SPIRE1: variants seen among roughly 807,000 people sequenced by gnomAD.
The protein encoded by SPIRE1 is protein spire homolog 1.
A neutral mutation model predicts 94.1 loss-of-function variants in SPIRE1; 40 were observed. The ratio of observed to expected loss-of-function variants is 0.43; its 90% CI spans 0.33 to 0.55. The LOEUF is 0.55. Ranked by LOEUF, SPIRE1 falls within the 20% of genes least tolerant of loss-of-function variation. The probability of loss-of-function intolerance (pLI) is 0.06; values close to 1 mark genes in which losing one functional copy is unlikely to be tolerated. For missense variants in SPIRE1, 838 were observed against 975.2 expected, an observed-to-expected ratio of 0.86 and a Z score of 1.87; for synonymous variants, 376 against 371.7, an observed-to-expected ratio of 1.01 and a Z score of -0.13.
At chr18:12,508,675 G>GTTT (rs1214659836) in intron 5 of SPIRE1, among the ~76,000 whole-genome samples, 1 of 139,780 alleles carries the variant, frequency 7.2e-6, no homozygotes, top group Non-Finnish European at 1.6e-5. Flanking sequence ...AACACACTTG[G>GTTT]TTTTTTTTTT....
intron 10 of SPIRE1, among the ~76,000 whole-genome samples, chr18:12,475,210 C>A (rs537040990): frequency 6.6e-6 from 1 of 152,174 alleles, no homozygotes; most frequent in Non-Finnish European, 1.5e-5. Flanking sequence ...TATACTCATT[C>A]TAAAACCTAA....
Position 12,459,910 on chromosome 18 carries a change from C to T in SPIRE1, c.1638+3441G>A, listed in dbSNP as rs528825609. 993 of 985,802 alleles carry T rather than the reference C, an allele frequency of 1.0e-3. 2 individuals are homozygous for T. The highest frequency in any genetic ancestry group is 1.2e-3 in the Non-Finnish European group (957 of 829,908). The allele number at this position is 985,802 out of a possible 1,614,324, so 61.1% of individuals were successfully genotyped here. A position where few individuals can be genotyped will look rare whatever the true frequency, so the allele number is the denominator to read the frequency against. On this transcript the variant is annotated intron_variant, in intron 12 of 16. Transcript: ENST00000409402. The stretch of plus-strand genomic sequence containing the variant: ...GGTCGAAAAGGCGTCCTTGGCCATA[C>T]ACTGGTTATCCTAGGAACCTGAACA...
chr18:12,625,618 A>G (rs1003224050), intron 2 of SPIRE1, among the ~76,000 whole-genome samples: 21 of 152,374 alleles, frequency 1.4e-4, no homozygotes, highest in African/African-American at 5.0e-4. Context: ...CACATAAAAC[A>G]GCCTCATTTA....
chr18:12,639,940 A>G (rs2038039418), intron 1 of SPIRE1, among the ~76,000 whole-genome samples: 1 of 152,052 alleles, frequency 6.6e-6, no homozygotes, highest in Non-Finnish European at 1.5e-5. Context: ...ATGCCTTCCT[A>G]TAAACTGACA....
At chr18:12,508,660 A>T (rs1483104592) in intron 5 of SPIRE1, among the ~76,000 whole-genome samples, 1 of 151,630 alleles carries the variant, frequency 6.6e-6, no homozygotes, top group African/African-American at 2.4e-5. Context: ...TTATAAAAGG[A>T]TTCAAACACA....
intron 2 of SPIRE1, among the ~76,000 whole-genome samples, chr18:12,560,010 T>C (rs1025605009): frequency 6.6e-6 from 1 of 152,234 alleles, no homozygotes; most frequent in African/African-American, 2.4e-5. Flanking sequence ...ACATCATTGA[T>C]TGTCAGAGTA....
At chr18:12,500,656 G>A (rs577380368) in intron 6 of SPIRE1, among the ~76,000 whole-genome samples, 3 of 152,066 alleles carry the variant, frequency 2.0e-5, no homozygotes, top group South Asian at 2.1e-4. Flanking sequence ...ACAAAAATGC[G>A]TACACTACTA....
chr18:12,561,394 C>T (rs772778149), intron 2 of SPIRE1, among the ~76,000 whole-genome samples: 6 of 151,988 alleles, frequency 3.9e-5, no homozygotes, highest in South Asian at 4.2e-4. Context: ...CTCAGCCTCC[C>T]GAGTAGCTGG....
At chr18:12,605,913 C>G (rs1336676378) in intron 2 of SPIRE1, among the ~76,000 whole-genome samples, 2 of 152,148 alleles carry the variant, frequency 1.3e-5, no homozygotes, top group Non-Finnish European at 2.9e-5. Context: ...ACCGCCACCT[C>G]CCCTAGCCAC....
In SPIRE1 at chr18:12,601,159, G is replaced by A. The variant is rs186855454; in HGVS notation, c.372+33903C>T. On this transcript the variant is annotated intron_variant, in intron 2 of 16. Coordinates refer to ENST00000409402, the MANE Select transcript of SPIRE1 (RefSeq NM_001128626.2). ...TTATTGGCTGGGTGCGGTGGCTCAC[G>A]CCTGTAATCCCAGCACTCTGGGAGG... Among the ~76,000 whole-genome samples the A allele has an allele frequency of 7.8e-3, 1,185 of 151,848 alleles. 21 individuals are homozygous for A. Among genetic ancestry groups the A allele is most frequent in the African/African-American group, 0.028 (1,152 of 41,368 alleles).
At chr18:12,504,305 G>A (rs1249643518) in intron 6 of SPIRE1, among the ~76,000 whole-genome samples, 2 of 146,274 alleles carry the variant, frequency 1.4e-5, no homozygotes, top group Admixed American at 6.7e-5. Context: ...TCAGGAGTTC[G>A]AGACCAGCCT....
rs116069514 is a variant in SPIRE1 at position 12,498,055 on chromosome 18, A to C, written c.973-1953T>G. On this transcript the variant is annotated intron_variant, in intron 6 of 16. Transcript: ENST00000409402. ...GGGTGGAGGAAGCTCCCTTATCCAA[A>C]TGCTTGGGACTAGAGTGTTTCAGAT... 2.0e-3 allele frequency among the ~76,000 whole-genome samples: 303 copies of C among 152,304 alleles called. 2 individuals are homozygous for C. Among genetic ancestry groups the C allele is most frequent in the Middle Eastern group, 6.8e-3 (2 of 294 alleles).
At chr18:12,588,729 G>A (rs2036453365) in intron 2 of SPIRE1, among the ~76,000 whole-genome samples, 1 of 151,226 alleles carries the variant, frequency 6.6e-6, no homozygotes, top group Non-Finnish European at 1.5e-5. Context: ...GGGCAAATAT[G>A]TCAGCTGCTA....
At chr18:12,554,918 C>T (rs1027266164) in intron 2 of SPIRE1, among the ~76,000 whole-genome samples, 19 of 152,132 alleles carry the variant, frequency 1.2e-4, no homozygotes, top group African/African-American at 4.6e-4. Context: ...CAGGAAACCA[C>T]CCATCAGGCC....
intron 8 of SPIRE1, among the ~76,000 whole-genome samples, chr18:12,488,402 G>A (rs190552968): frequency 1.3e-5 from 2 of 152,218 alleles, no homozygotes; most frequent in East Asian, 3.9e-4. Context: ...GGTTGGAGAC[G>A]GACACACTGC....
At chr18:12,497,374 T>C (rs979677795) in intron 6 of SPIRE1, among the ~76,000 whole-genome samples, 2 of 152,148 alleles carry the variant, frequency 1.3e-5, no homozygotes, top group Non-Finnish European at 2.9e-5. Context: ...TCTGACCACT[T>C]AGAAGGCACA....
At chr18:12,615,534 T>C (rs1241855970) in intron 2 of SPIRE1, among the ~76,000 whole-genome samples, 2 of 60,722 alleles carry the variant, frequency 3.3e-5, no homozygotes, top group East Asian at 1.1e-3. Context: ...AGAGAGACTC[T>C]ATCTCCACAA....
At chr18:12,653,648 C>G (rs941959247) in intron 1 of SPIRE1, among the ~76,000 whole-genome samples, 1 of 152,204 alleles carries the variant, frequency 6.6e-6, no homozygotes, top group Non-Finnish European at 1.5e-5. Flanking sequence ...CCTAAACGTC[C>G]ATTTAGAAAA....
In SPIRE1 at chr18:12,506,493, G is replaced by A. The variant is rs1205879630; in HGVS notation, c.956C>T (p.Thr319Ile). 1.9e-6 allele frequency: 3 copies of A among 1,613,830 alleles called. No individual in the cohort carries two copies. Among genetic ancestry groups the A allele is most frequent in the Non-Finnish European group, 2.5e-6 (3 of 1,179,962 alleles). ...GTTACTTACCATCACTTTTCGCAAG[G>A]TGTATCTTTTGCAGCGAATGTCATC... ...LMDDIRCKRY[T>I]LRKVMVNGDI... The change falls in exon 6 of 17, where the codon ACC becomes ATC. Residue 319 changes from threonine (T) to isoleucine (I), a missense_variant. By Grantham distance (89) the Thr-to-Ile change is moderately conservative. Coordinates refer to ENST00000409402, the MANE Select transcript of SPIRE1 (RefSeq NM_001128626.2).
Sources: allele counts gnomAD v4.1 joint callset (sites outside exome capture counted in the v4.1 genomes callset), GRCh38; gene constraint gnomAD v4.1.1; transcripts MANE v1.5; gene names NCBI Gene and HGNC (gene_info 2026-07-23, HGNC 2026-07-21).